Variants in TFDP2 observed in about 807,000 individuals in gnomAD.
TFDP2 encodes transcription factor Dp-2 (E2F dimerization partner 2).
In TFDP2, 17 loss-of-function variants were observed where a neutral mutation model predicts 59.3. The ratio of observed to expected loss-of-function variants is 0.29; its 90% CI spans 0.20 to 0.43. TFDP2 has a LOEUF of 0.43. Among genes scored for constraint, TFDP2 ranks in the 20% least tolerant of loss-of-function variants. TFDP2 has a pLI of 1.00. For synonymous variants in TFDP2, 180 were observed against 194.7 expected, an observed-to-expected ratio of 0.92 and a Z score of 0.63; for missense variants, 391 against 528.8, an observed-to-expected ratio of 0.74 and a Z score of 2.56.
intron 9 of TFDP2, 52 bp downstream of exon 9, chr3:141,970,021 G>A: frequency 6.5e-7 from 1 of 1,539,858 alleles, no homozygotes; most frequent in Non-Finnish European, 9.0e-7. Context: ...GACTCCAAAA[G>A]GCAGCAAGTG....
chr3:142,128,531 T>C (rs2062361634), intron 1 of TFDP2, among the ~76,000 whole-genome samples: 1 of 152,324 alleles, frequency 6.6e-6, no homozygotes. Flanking sequence ...CAGCTTTTTA[T>C]TGATTCGGTC....
At chr3:142,091,741 GT>G (rs1262401592) in intron 3 of TFDP2, among the ~76,000 whole-genome samples, 2 of 152,126 alleles carry the variant, frequency 1.3e-5, no homozygotes, top group African/African-American at 2.4e-5. Context: ...GGATGAAACT[GT>G]TCCACCTCAG....
intron 3 of TFDP2, among the ~76,000 whole-genome samples, chr3:142,081,303 A>G (rs972546713): frequency 2.6e-5 from 4 of 152,150 alleles, no homozygotes; most frequent in African/African-American, 9.7e-5. Flanking sequence ...AAGAAACACA[A>G]CACACCAAAA....
At chr3:142,139,307 G>T (rs1052666448) in intron 1 of TFDP2, among the ~76,000 whole-genome samples, 1 of 152,100 alleles carries the variant, frequency 6.6e-6, no homozygotes, top group Non-Finnish European at 1.5e-5. Flanking sequence ...GATGGGTCTT[G>T]ACTCTTTATC....
chr3:141,953,069 CTGT>C (rs1221919197), intron 11 of TFDP2, 53 bp from the exon 12 acceptor site: 3 of 1,306,102 alleles, frequency 2.3e-6, no homozygotes, highest in Non-Finnish European at 3.3e-6. Context: ...TCTGTGGCTG[CTGT>C]TGTTACAGTC....
At chr3:142,149,070 G>A in intron 1 of TFDP2, 113 bp downstream of exon 1, 1 of 394,252 alleles carries the variant, frequency 2.5e-6, no homozygotes, top group Non-Finnish European at 4.5e-6. Flanking sequence ...GATGGGACTC[G>A]TGGGGGAACA....
In TFDP2 at chr3:142,125,701, A is replaced by C. The variant is rs554511955; in HGVS notation, c.-93+23482T>G. On this transcript the variant is annotated intron_variant, in intron 1 of 12. Transcript: ENST00000489671. ...CTGTGAAAAAAAGAAAGTTATAAAG[A>C]AGTATGTGTAGTACATTACCATCTG... 2.8e-4 allele frequency among the ~76,000 whole-genome samples: 42 copies of C among 152,348 alleles called. 1 individual carries two copies. In the South Asian group the frequency reaches 7.7e-3, roughly 28 times the overall value.
intron 6 of TFDP2, among the ~76,000 whole-genome samples, chr3:141,985,534 A>C (rs991985430): frequency 1.3e-5 from 2 of 151,642 alleles, no homozygotes; most frequent in Non-Finnish European, 2.9e-5. Context: ...AAAAAAAAAA[A>C]AAAAAAAAAC....
At chr3:142,124,826 T>C (rs1189711153) in intron 1 of TFDP2, among the ~76,000 whole-genome samples, 2 of 152,150 alleles carry the variant, frequency 1.3e-5, no homozygotes, top group Non-Finnish European at 2.9e-5. Flanking sequence ...AACTTCTACC[T>C]TGTGAACTAT....
chr3:142,064,685 G>C (rs934731329), intron 3 of TFDP2, among the ~76,000 whole-genome samples: 1 of 152,148 alleles, frequency 6.6e-6, no homozygotes, highest in African/African-American at 2.4e-5. Flanking sequence ...AGGATGTAAA[G>C]AATACACAAG....
intron 3 of TFDP2, among the ~76,000 whole-genome samples, chr3:142,087,323 T>C (rs113268375): frequency 6.6e-6 from 1 of 152,272 alleles, no homozygotes; most frequent in African/African-American, 2.4e-5. Flanking sequence ...TACTGAATAC[T>C]GTAGGCAACT....
chr3:142,135,396 TTTC>T (rs1259176001), intron 1 of TFDP2, among the ~76,000 whole-genome samples: 1 of 152,130 alleles, frequency 6.6e-6, no homozygotes, highest in African/African-American at 2.4e-5. Context: ...ATATGTTTAA[TTTC>T]TTTTTTCTTT....
chr3:142,071,780 G>A (rs951059381), intron 3 of TFDP2, among the ~76,000 whole-genome samples: 3 of 152,208 alleles, frequency 2.0e-5, no homozygotes, highest in Non-Finnish European at 2.9e-5. Flanking sequence ...CTCTGTTTCT[G>A]GCTGGGATAA....
chr3:142,009,432 C>T (rs1161843734), intron 3 of TFDP2, among the ~76,000 whole-genome samples: 1 of 152,144 alleles, frequency 6.6e-6, no homozygotes, highest in Non-Finnish European at 1.5e-5. Flanking sequence ...CAAAATGTGG[C>T]CGGGCACGGT....
At chr3:141,986,761 C>G (rs540209672) in intron 6 of TFDP2, among the ~76,000 whole-genome samples, 1 of 152,264 alleles carries the variant, frequency 6.6e-6, no homozygotes, top group Non-Finnish European at 1.5e-5. Flanking sequence ...TTCCTGCCAC[C>G]AGCAGTGTAT....
In TFDP2 at chr3:142,121,770, G is replaced by A. The variant is rs541938489; in HGVS notation, c.-92-19929C>T. 5.9e-5 allele frequency among the ~76,000 whole-genome samples: 9 copies of A among 152,074 alleles called. No individual in the cohort carries two copies. The highest frequency in any genetic ancestry group is 1.9e-4 in the African/African-American group (8 of 41,508). The stretch of plus-strand genomic sequence containing the variant: ...CCCAGCACTTCTGGGATGCTGAGGC[G>A]GACGGAACACCTGAGGTCAGGAGTT... On this transcript the variant is annotated intron_variant, in intron 1 of 12. Coordinates refer to ENST00000489671, the MANE Select transcript of TFDP2 (RefSeq NM_001178139.2). This position sits in a 1 kb window ranked among gnomAD's most constrained non-coding sequence, Gnocchi z 4.3.
At chr3:141,982,726 G>A (rs897669938) in intron 6 of TFDP2, among the ~76,000 whole-genome samples, 21 of 152,036 alleles carry the variant, frequency 1.4e-4, no homozygotes, top group African/African-American at 5.1e-4. Context: ...CCTTAAGTAG[G>A]AACAACTACA....
chr3:141,978,522 A>G lies in TFDP2; in HGVS notation c.517T>C (p.Ser173Pro), dbSNP rs371422999. Residue 173 changes from serine (S) to proline (P), a missense_variant and splice_region_variant, in exon 7 of 13, where the codon TCG becomes CCG. Coordinates refer to ENST00000489671, the MANE Select transcript of TFDP2 (RefSeq NM_001178139.2). Reference sequence around the variant, plus strand: ...TGTCAGGTTCATGATTTACATACCGAATCAGCAGCCAAATGGTTATTTGAA... The same window carrying G: ...TGTCAGGTTCATGATTTACATACCGGATCAGCAGCCAAATGGTTATTTGAA... Reference protein sequence around the residue: ...TNSNNHLAADSAYDQKNIRRR... With the variant: ...TNSNNHLAADPAYDQKNIRRR... The G allele has an allele frequency of 2.5e-6, 4 of 1,606,698 alleles. No individual in the cohort carries two copies. Among genetic ancestry groups the G allele is most frequent in the South Asian group, 2.3e-5 (2 of 88,656 alleles).
At chr3:141,999,241 C>T (rs1943551934) in intron 4 of TFDP2, among the ~76,000 whole-genome samples, 1 of 152,116 alleles carries the variant, frequency 6.6e-6, no homozygotes, top group South Asian at 2.1e-4. Context: ...AATGTATTTT[C>T]CTAATGATTT....
Sources: gnomAD v4.1 joint callset for allele counts (sites outside exome capture counted in the v4.1 genomes callset) on GRCh38, gnomAD v4.1.1 for gene constraint, Gnocchi (gnomAD v3.1) non-coding constraint, MANE v1.5 for transcripts, NCBI Gene and HGNC (gene_info 2026-07-23, HGNC 2026-07-21) for gene names.